The following PCYT2 variants were observed in gnomAD, a reference collection of about 807,000 sequenced individuals.
PCYT2 encodes the protein phosphate cytidylyltransferase 2, ethanolamine.
In PCYT2, 33 loss-of-function variants were observed where a neutral mutation model predicts 50.0. The observed-to-expected ratio is 0.66, with a 90% confidence interval of 0.50 to 0.88. PCYT2 has a LOEUF of 0.88. Ranked by LOEUF, PCYT2 falls within the 40% of genes least tolerant of loss-of-function variation. The pLI, the probability that PCYT2 is intolerant of heterozygous loss-of-function variation, is 0.00. For synonymous variants in PCYT2, 240 were observed against 203.7 expected (o/e 1.18, Z -1.52); for missense variants, 430 against 519.7 (o/e 0.83, Z 1.68).
chr17:81,905,804 G>C (rs530525848), intron 9 of PCYT2, 69 bp from the exon 10 acceptor site: 1 of 1,498,184 alleles, frequency 6.7e-7, no homozygotes, highest in East Asian at 2.3e-5. Flanking sequence ...CCACAGGGTG[G>C]TGAGAGACGG....
At position 81,902,828 on chromosome 17, in the gene PCYT2, G is replaced by A; in HGVS notation, c.*2005C>T. On this transcript the variant is annotated 3_prime_UTR_variant, in exon 13 of 13. Transcript: ENST00000538936. ...GTGACCCCAGGCCCCTCCGGCGCGG[G>A]ATGGCGCCCCAGGTCTCCCCTACTC... is the stretch of plus-strand genomic sequence containing the variant. The A allele has an allele frequency of 7.5e-7, 1 of 1,336,578 alleles. No individual in the cohort carries two copies. Among genetic ancestry groups the A allele is most frequent in the Non-Finnish European group, 1.0e-6 (1 of 991,720 alleles). 82.8% of individuals were successfully genotyped at this position (1,336,578 alleles called of 1,614,324 possible). A position where few individuals can be genotyped will look rare whatever the true frequency, so the allele number is the denominator to read the frequency against.
rs1484572664 is a variant in PCYT2 at position 81,902,781 on chromosome 17, C to T, written c.*2052G>A. On this transcript the variant is annotated 3_prime_UTR_variant, in exon 13 of 13. Coordinates refer to ENST00000538936, the MANE Select transcript of PCYT2 (RefSeq NM_002861.5). ...CCTCTCCTGGCACCGCTGGGGGCCC[C>T]CCGCCCCCACCGTCCCACTCGGTGA... 9 of 1,571,458 alleles carry T rather than the reference C, an allele frequency of 5.7e-6. No individual in the cohort carries two copies. Among genetic ancestry groups the T allele is most frequent in the Non-Finnish European group, 7.7e-6 (9 of 1,161,654 alleles).
Position 81,909,015 on chromosome 17 carries a change from C to A in PCYT2, c.201G>T (p.Gly67=). 1 of 1,613,810 alleles carries A rather than the reference C, an allele frequency of 6.2e-7. No homozygotes were observed. The highest frequency in any genetic ancestry group is 8.5e-7 in the Non-Finnish European group (1 of 1,179,938). The change falls in exon 3 of 13, where the codon GGG becomes GGT. Residue 67 remains glycine, a synonymous_variant. Coordinates refer to ENST00000538936, the MANE Select transcript of PCYT2 (RefSeq NM_002861.5). ...TCTCCTCCTGAGTGAACACCGGGGG[C>A]CCCTTGTGCTTGGCGATCTCCTCTA... ...HTDEEIAKHK[G]PPVFTQEERY... is the part of the protein sequence containing the mutation.
intron 1 of PCYT2, chr17:81,910,841 C>G (rs2040558829): frequency 1.0e-6 from 1 of 975,072 alleles, no homozygotes; most frequent in Admixed American, 6.2e-5. Context: ...CGGAGGAGGA[C>G]CCGGGAGCCC....
Position 81,902,511 on chromosome 17 carries a change from C to T in PCYT2, c.*2322G>A. The stretch of plus-strand genomic sequence containing the variant: ...CCTCCCCGGAGCTGCAACTGCACCC[C>T]AGGCTGCGGAGCCTCGTGAGTCCGG... On this transcript the variant is annotated 3_prime_UTR_variant, in exon 13 of 13. Transcript: ENST00000538936. The T allele has an allele frequency of 1.4e-6, 2 of 1,441,964 alleles. No homozygotes were observed. Among genetic ancestry groups the T allele is most frequent in the African/African-American group, 3.0e-5 (2 of 66,682 alleles). The allele number at this position is 1,441,964 out of a possible 1,614,324, so 89.3% of individuals were successfully genotyped here. A position where few individuals can be genotyped will look rare whatever the true frequency, so the allele number is the denominator to read the frequency against.
At position 81,902,930 on chromosome 17, in the gene PCYT2, GC is replaced by G; in HGVS notation, c.*1902del. ...AGTGAGGGGTGCTGGAGGACTGGCA[GC>G]CAGGCCACGAGGGGAACGGGACCTG... is the stretch of plus-strand genomic sequence containing the variant. On this transcript the variant is annotated 3_prime_UTR_variant, in exon 13 of 13. Coordinates refer to ENST00000538936, the MANE Select transcript of PCYT2 (RefSeq NM_002861.5). 1.8e-6 allele frequency: 1 copy of G among 559,540 alleles called. No homozygotes were observed. Among genetic ancestry groups the G allele is most frequent in the Non-Finnish European group, 3.0e-6 (1 of 331,238 alleles). The allele number at this position is 559,540 out of a possible 1,614,324, so 34.7% of individuals were successfully genotyped here.
At chr17:81,906,430 TGCCCAGGG>T (rs755500580) in intron 8 of PCYT2, 26 bp downstream of exon 8, 4 of 1,591,822 alleles carry the variant, frequency 2.5e-6, no homozygotes, top group East Asian at 2.2e-5. Flanking sequence ...GCCCATCAGC[TGCCCAGGG>T]GCCCAGGGAG....
rs2040586798 is a variant in PCYT2, at chr17:81,911,210, G to A, written c.89+57C>T. ...GTCCCCGGGCAACGGCTGGCGCGGCGCCCCGGAAGGAAGCCGGCCCCGGCG... is the reference window on the plus strand; with the variant it reads ...GTCCCCGGGCAACGGCTGGCGCGGCACCCCGGAAGGAAGCCGGCCCCGGCG... On this transcript the variant is annotated intron_variant, in intron 1 of 12. Coordinates refer to ENST00000538936, the MANE Select transcript of PCYT2 (RefSeq NM_002861.5). 3 of 1,022,232 alleles carry A rather than the reference G, an allele frequency of 2.9e-6. No individual in the cohort carries two copies. In the African/African-American group the frequency reaches 5.2e-5, roughly 18 times the overall value. 63.3% of individuals were successfully genotyped at this position (1,022,232 alleles called of 1,614,324 possible).
intron 1 of PCYT2, 149 bp from the exon 2 acceptor site, chr17:81,909,751 AG>A: frequency 1.6e-6 from 1 of 640,918 alleles, no homozygotes; most frequent in Non-Finnish European, 2.9e-6. Context: ...TGGGATTCGG[AG>A]GATGTAGGTG....
At chr17:81,910,180 G>C (rs1482114975) in intron 1 of PCYT2, among the ~76,000 whole-genome samples, 1 of 152,196 alleles carries the variant, frequency 6.6e-6, no homozygotes, top group Non-Finnish European at 1.5e-5. Flanking sequence ...CACCTGGCTC[G>C]AGAGTTTTCA....
Position 81,906,792 on chromosome 17 carries a change from A to G in PCYT2, c.644T>C (p.Val215Ala). ...GTCGAAGGCACCAGCCACATAGATG[A>G]CTGTCTCCCCTGGCTGGGGCTCCTT... is the stretch of plus-strand genomic sequence containing the variant. ...SGKEPQPGET[V>A]IYVAGAFDLF... Residue 215 changes from valine to alanine, a missense_variant, in exon 7 of 13, where the codon GTC becomes GCC. By Grantham distance (64) the Val-to-Ala change is moderately conservative. This residue lies in a region of PCYT2 where 248 missense variants were observed against 300.2 expected (regional missense o/e 0.83). Coordinates refer to ENST00000538936, the MANE Select transcript of PCYT2 (RefSeq NM_002861.5). 1 of 1,613,426 alleles carries G rather than the reference A, an allele frequency of 6.2e-7. No homozygotes were observed. Among genetic ancestry groups the G allele is most frequent in the Non-Finnish European group, 8.5e-7 (1 of 1,179,938 alleles).
intron 1 of PCYT2, among the ~76,000 whole-genome samples, chr17:81,910,294 C>T (rs1361331308): frequency 6.6e-6 from 1 of 152,232 alleles, no homozygotes; most frequent in Non-Finnish European, 1.5e-5. Context: ...CACTTCTTTA[C>T]AGCAGCGGCC....
Position 81,902,049 on chromosome 17 carries a change from C to A in PCYT2, c.*2784G>T. 1 of 292,916 alleles carries A rather than the reference C, an allele frequency of 3.4e-6. No individual in the cohort carries two copies. The highest frequency in any genetic ancestry group is 6.1e-6 in the Non-Finnish European group (1 of 163,344). The allele number at this position is 292,916 out of a possible 1,614,324, so 18.1% of individuals were successfully genotyped here. The stretch of plus-strand genomic sequence containing the variant: ...GGAGCTTGAGGGGGCGTTGGGCTCC[C>A]ACCAAGCGCCAGATCCTTGCGCGCC... On this transcript the variant is annotated 3_prime_UTR_variant, in exon 13 of 13. Coordinates refer to ENST00000538936, the MANE Select transcript of PCYT2 (RefSeq NM_002861.5).
intron 9 of PCYT2, 170 bp downstream of exon 9, chr17:81,905,930 T>G: frequency 1.3e-6 from 1 of 741,938 alleles, no homozygotes; most frequent in Middle Eastern, 3.5e-4. Flanking sequence ...TGACCACCCC[T>G]CCTCATGCCT....
At position 81,901,092 on chromosome 17, in the gene PCYT2, T is replaced by C. The variant is rs2039937784; in HGVS notation, c.*3741A>G. On this transcript the variant is annotated 3_prime_UTR_variant, in exon 13 of 13. Coordinates refer to ENST00000538936, the MANE Select transcript of PCYT2 (RefSeq NM_002861.5). ...CCCAAAACAAAAGTAGAGAAGCCGA[T>C]AGTGCAGCCTTCATCCTGTGGCCAA... 6.6e-6 allele frequency: 1 copy of C among 152,118 alleles called. No individual in the cohort carries two copies. The highest frequency in any genetic ancestry group is 6.5e-5 in the Admixed American group (1 of 15,276). The allele number at this position is 152,118 out of a possible 1,614,324, so 9.4% of individuals were successfully genotyped here.
Position 81,906,855 on chromosome 17 carries a change from A to T in PCYT2, c.581T>A (p.Leu194Gln). Residue 194 changes from leucine to glutamine, a missense_variant, in exon 7 of 13, where the codon CTG becomes CAG. By Grantham distance (113) the Leu-to-Gln change is moderately radical. Around this residue, in one of 4 missense-constraint regions of PCYT2, gnomAD observed 248 missense variants for 300.2 expected, o/e 0.83. Transcript: ENST00000538936. ...CTGGATGATCTTCTGAGATGTCTGC[A>T]GGAACTGGGATACCCCGGTCCAGGG... ...RNPWTGVSQF[L>Q]QTSQKIIQFA... The T allele has an allele frequency of 1.9e-6, 3 of 1,613,402 alleles. No individual in the cohort carries two copies. The highest frequency in any genetic ancestry group is 2.5e-6 in the Non-Finnish European group (3 of 1,179,960).
intron 2 of PCYT2, 54 bp downstream of exon 2, chr17:81,909,460 G>T: frequency 6.5e-7 from 1 of 1,547,306 alleles, no homozygotes; most frequent in Non-Finnish European, 8.9e-7. Context: ...GTCAACAGTC[G>T]CAACCCACAG....
intron 4 of PCYT2, 107 bp from the exon 5 acceptor site, chr17:81,907,964 G>A (rs776587551): frequency 3.7e-4 from 338 of 910,390 alleles, no homozygotes; most frequent in Non-Finnish European, 5.1e-4. Context: ...CAGAACCCAC[G>A]GCTGCCCCAA....
chr17:81,904,510 T>TAGATCTC lies in PCYT2; in HGVS notation c.*322_*323insGAGATCT. The TAGATCTC allele has an allele frequency of 3.0e-6, 1 of 337,196 alleles. No individual in the cohort carries two copies. Among genetic ancestry groups the TAGATCTC allele is most frequent in the South Asian group, 4.7e-5 (1 of 21,496 alleles). 20.9% of individuals were successfully genotyped at this position (337,196 alleles called of 1,614,324 possible). ...GCCACAGCTGGGTGGGCAGTCAGTG[T>TAGATCTC]GGCCTCTGTCCAGGTGGTGGGGGCA... is the stretch of plus-strand genomic sequence containing the variant. On this transcript the variant is annotated 3_prime_UTR_variant, in exon 13 of 13. Transcript: ENST00000538936.
Sources: allele counts gnomAD v4.1 joint callset (sites outside exome capture counted in the v4.1 genomes callset), GRCh38; gene constraint gnomAD v4.1.1; regional missense constraint gnomAD v4.1.1; transcripts MANE v1.5; gene names NCBI Gene and HGNC (gene_info 2026-07-23, HGNC 2026-07-21).